Variants in GRIK2 observed in about 807,000 individuals in gnomAD.
GRIK2 encodes glutamate ionotropic receptor kainate type subunit 2, also known as glutamate receptor ionotropic, kainate 2.
In GRIK2, 32 loss-of-function variants were observed where a neutral mutation model predicts 100.3. The observed-to-expected ratio is 0.32, with a 90% CI of 0.24 to 0.43. The LOEUF is 0.43. Among genes scored for constraint, GRIK2 ranks in the 20% least tolerant of loss-of-function variants. GRIK2 has a pLI of 1.00. For synonymous variants in GRIK2, 417 were observed against 389.4 expected (o/e 1.07, Z -0.83); for missense variants, 843 against 1,114.9 (o/e 0.76, Z 3.47).
intron 7 of GRIK2, among the ~76,000 whole-genome samples, chr6:101,718,802 CA>C (rs1305757431): frequency 6.6e-6 from 1 of 151,818 alleles, no homozygotes; most frequent in Non-Finnish European, 1.5e-5. Flanking sequence ...GATTTGATAC[CA>C]AATCTGACAT....
chr6:101,708,627 TAAAC>T (rs1334741427), intron 7 of GRIK2, among the ~76,000 whole-genome samples: 1 of 151,794 alleles, frequency 6.6e-6, no homozygotes, highest in African/African-American at 2.4e-5. Context: ...CGTTACTTAA[TAAAC>T]AATTTTAAGA....
intron 2 of GRIK2, among the ~76,000 whole-genome samples, chr6:101,567,045 G>T (rs619915): frequency 0.19 from 29,408 of 151,078 alleles, 4,986 homozygotes; most frequent in African/African-American, 0.46. Context: ...ATTACAGAGC[G>T]AGGAAGCTAG....
chr6:101,900,189 G>C (rs1787748407), intron 12 of GRIK2, among the ~76,000 whole-genome samples: 3 of 152,142 alleles, frequency 2.0e-5, no homozygotes, highest in Admixed American at 2.0e-4. Context: ...TTGGAGCCAG[G>C]CGCTGTGGCT....
chr6:101,778,430 C>G (rs762049613), intron 7 of GRIK2, among the ~76,000 whole-genome samples: 3 of 152,052 alleles, frequency 2.0e-5, no homozygotes, highest in Non-Finnish European at 4.4e-5. Context: ...TTATTGCATT[C>G]AACATTGAAA....
chr6:101,757,343 T>C (rs1332903924), intron 7 of GRIK2, among the ~76,000 whole-genome samples: 1 of 152,176 alleles, frequency 6.6e-6, no homozygotes, highest in East Asian at 1.9e-4. Context: ...CAGTTCTTCA[T>C]GGAAAACAAT....
At chr6:101,577,917 C>T (rs1777867222) in intron 2 of GRIK2, among the ~76,000 whole-genome samples, 1 of 152,048 alleles carries the variant, frequency 6.6e-6, no homozygotes, top group Non-Finnish European at 1.5e-5. Flanking sequence ...ATGGGAACAA[C>T]GTAGAAGGTG....
intron 10 of GRIK2, among the ~76,000 whole-genome samples, chr6:101,846,613 G>A (rs1200221874): frequency 1.3e-5 from 2 of 152,056 alleles, no homozygotes; most frequent in African/African-American, 2.4e-5. Context: ...TTTAAATGAT[G>A]ATGGAATTCA....
At chr6:102,003,442 A>T (rs2114271606) in intron 14 of GRIK2, among the ~76,000 whole-genome samples, 1 of 151,934 alleles carries the variant, frequency 6.6e-6, no homozygotes, top group African/African-American at 2.4e-5. Flanking sequence ...TATTGATATT[A>T]TATAAATTTC....
At chr6:101,795,674 C>A (rs548516240) in intron 7 of GRIK2, among the ~76,000 whole-genome samples, 45 of 152,328 alleles carry the variant, frequency 3.0e-4, no homozygotes, top group Non-Finnish European at 3.5e-4. Context: ...GTGCCTGCAA[C>A]AGGCTGGATG....
At chr6:101,860,710 T>G (rs1156779609) in intron 11 of GRIK2, among the ~76,000 whole-genome samples, 1 of 152,142 alleles carries the variant, frequency 6.6e-6, no homozygotes, top group Non-Finnish European at 1.5e-5. Flanking sequence ...TGAAGTCTTC[T>G]GAAAGGGCTG....
intron 7 of GRIK2, among the ~76,000 whole-genome samples, chr6:101,721,856 ATTAC>A (rs1270205045): frequency 6.6e-6 from 1 of 151,984 alleles, no homozygotes; most frequent in Non-Finnish European, 1.5e-5. Context: ...CCTTTAAGAA[ATTAC>A]TTCTCACAAA....
chr6:102,045,276 G>A (rs942979380), intron 15 of GRIK2, among the ~76,000 whole-genome samples: 3 of 152,066 alleles, frequency 2.0e-5, no homozygotes, highest in African/African-American at 7.2e-5. Flanking sequence ...TAATAAATTA[G>A]TCTTCAGGAA....
chr6:101,549,019 A>G (rs1489479711), intron 2 of GRIK2, among the ~76,000 whole-genome samples: 1 of 152,146 alleles, frequency 6.6e-6, no homozygotes, highest in African/African-American at 2.4e-5. Flanking sequence ...TATGTTTATC[A>G]TTTATATCAT....
chr6:101,821,352 A>G (rs1445660534), intron 10 of GRIK2, among the ~76,000 whole-genome samples: 1 of 152,204 alleles, frequency 6.6e-6, no homozygotes, highest in African/African-American at 2.4e-5. Context: ...TTTAATAAAT[A>G]CACTAATGCC....
intron 10 of GRIK2, among the ~76,000 whole-genome samples, chr6:101,828,470 G>A (rs758561148): frequency 9.9e-5 from 15 of 151,692 alleles, no homozygotes; most frequent in Admixed American, 3.9e-4. Context: ...ATAAAGGATC[G>A]ATGAAATGAA....
At position 101,508,193 on chromosome 6, in the gene GRIK2, G is replaced by T. The variant is rs1196689652; in HGVS notation, c.115+108801G>T. ...TCAGTGACAGGACCAATTCAGACCAGGTTAAAGTTTATAAGAGAAAAATAA... is the reference window on the plus strand; with the variant it reads ...TCAGTGACAGGACCAATTCAGACCATGTTAAAGTTTATAAGAGAAAAATAA... On this transcript the variant is annotated intron_variant, in intron 2 of 16. Coordinates refer to ENST00000369134, the MANE Select transcript of GRIK2 (RefSeq NM_021956.5). 2.6e-5 allele frequency among the ~76,000 whole-genome samples: 4 copies of T among 151,874 alleles called. No homozygotes were observed. In the South Asian group the frequency reaches 8.3e-4, roughly 32 times the overall value.
intron 7 of GRIK2, among the ~76,000 whole-genome samples, chr6:101,786,242 C>A (rs897337724): frequency 2.7e-5 from 4 of 148,228 alleles, no homozygotes; most frequent in African/African-American, 7.6e-5. Context: ...ATCATGTCAC[C>A]TGCAAAAGGG....
chr6:101,582,857 T>C (rs1444711698), intron 2 of GRIK2, among the ~76,000 whole-genome samples: 1 of 152,148 alleles, frequency 6.6e-6, no homozygotes, highest in Non-Finnish European at 1.5e-5. Context: ...CATGTGGTTT[T>C]CATGTTATTT....
At chr6:101,818,327 G>T (rs201947494) in intron 9 of GRIK2, 43 bp from the exon 10 acceptor site, 2 of 1,075,892 alleles carry the variant, frequency 1.9e-6, no homozygotes, top group African/African-American at 3.1e-5. Flanking sequence ...TCTCTACCAC[G>T]TGCCTGATGG....
Sources: allele counts gnomAD v4.1 joint callset (sites outside exome capture counted in the v4.1 genomes callset), GRCh38; gene constraint gnomAD v4.1.1; transcripts MANE v1.5; gene names NCBI Gene and HGNC (gene_info 2026-07-23, HGNC 2026-07-21).